PCDHGA1: variants seen among roughly 807,000 people sequenced by gnomAD.
The protein encoded by PCDHGA1 is protocadherin gamma-A1.
In PCDHGA1, 32 loss-of-function variants were observed where a neutral mutation model predicts 58.0. That is an observed-to-expected ratio of 0.55 (90% CI 0.42 to 0.74). The LOEUF is 0.74. PCDHGA1 is among the 30% of genes least tolerant of loss of function. The pLI is 0.00. For synonymous variants in PCDHGA1, 498 were observed against 501.1 expected (o/e 0.99, Z 0.08); for missense variants, 1,205 against 1,182.3 (o/e 1.02, Z -0.28).
intron 1 of PCDHGA1, chr5:141,352,163 C>G (rs1758931128): frequency 6.2e-7 from 1 of 1,613,248 alleles, no homozygotes; most frequent in Non-Finnish European, 8.5e-7. Context: ...GGACGCGGCC[C>G]GCCAGCGCCT....
At chr5:141,425,805 C>T (rs1419480761) in intron 1 of PCDHGA1, among the ~76,000 whole-genome samples, 1 of 152,158 alleles carries the variant, frequency 6.6e-6, no homozygotes, top group African/African-American at 2.4e-5. Context: ...TGCATTGCTT[C>T]TGCTTAGAAA....
Position 141,432,026 on chromosome 5 carries a change from A to G in PCDHGA1, c.2422-62781A>G, listed in dbSNP as rs1591124077. On this transcript the variant is annotated intron_variant, in intron 1 of 3. Coordinates refer to ENST00000517417, the MANE Select transcript of PCDHGA1 (RefSeq NM_018912.3). The surrounding 1 kb of genome is among the most constrained non-coding windows in gnomAD (Gnocchi z 6.0). ...GGTTCCTAGCTACAACATCACAGTG[A>G]CCGCCACTGACCGGGGAACCCCGCC... The G allele has an allele frequency of 1.9e-6, 3 of 1,614,152 alleles. 1 individual carries two copies. Among genetic ancestry groups the G allele is most frequent in the Middle Eastern group, 3.3e-4 (2 of 6,062 alleles).
intron 1 of PCDHGA1, chr5:141,390,367 T>C (rs2092130153): frequency 6.6e-7 from 1 of 1,518,766 alleles, no homozygotes; most frequent in African/African-American, 1.4e-5. Flanking sequence ...TGCAGGAAAA[T>C]ATATAATTTT....
In PCDHGA1 at chr5:141,461,830, C is replaced by CT. The variant is rs1030113508; in HGVS notation, c.2422-32967dup. On this transcript the variant is annotated intron_variant, in intron 1 of 3. Transcript: ENST00000517417. Reference sequence around the variant, plus strand: ...CACCACACCCAGCTAATTTTTTTTTCTTTTTTTTTTGAGACAGAGTTTTGC... The same window carrying CT: ...CACCACACCCAGCTAATTTTTTTTTCTTTTTTTTTTTGAGACAGAGTTTTGC... Among the ~76,000 whole-genome samples, 192 of 145,246 alleles carry CT rather than the reference C, an allele frequency of 1.3e-3. 1 individual carries two copies. In the Middle Eastern group the frequency reaches 0.022, roughly 16 times the overall value.
intron 1 of PCDHGA1, chr5:141,364,262 C>T (rs899975548): frequency 1.3e-6 from 2 of 1,504,074 alleles, no homozygotes; most frequent in African/African-American, 1.4e-5. Context: ...ATGTACCCAT[C>T]GGCTTTAGAT....
chr5:141,410,420 C>T (rs1426515605), intron 1 of PCDHGA1: 4 of 1,613,926 alleles, frequency 2.5e-6, no homozygotes, highest in Non-Finnish European at 3.4e-6. Flanking sequence ...ACCTGTAGTT[C>T]CCCCCAACTA....
rs367744321 is a variant in PCDHGA1, at chr5:141,489,394, C to G, written c.2422-5413C>G. The G allele has an allele frequency of 3.7e-6, 6 of 1,614,008 alleles. No individual in the cohort carries two copies. In the African/African-American group the frequency reaches 6.7e-5, roughly 18 times the overall value. On this transcript the variant is annotated intron_variant, in intron 1 of 3. Transcript: ENST00000517417. The surrounding 1 kb of genome is among the most constrained non-coding windows in gnomAD (Gnocchi z 4.5). ...GCTGGTGGGGAATGTTGCTCAGGATCTGGGCTTAAAGATGACAGATCTGTT... is the reference window on the plus strand; with the variant it reads ...GCTGGTGGGGAATGTTGCTCAGGATGTGGGCTTAAAGATGACAGATCTGTT...
At chr5:141,346,108 A>T in intron 1 of PCDHGA1, 1 of 1,613,642 alleles carries the variant, frequency 6.2e-7, no homozygotes, top group Non-Finnish European at 8.5e-7. Context: ...CTCACTCTGT[A>T]CCTGGTGGTG....
At chr5:141,391,498 G>A (rs974621252) in intron 1 of PCDHGA1, 1 of 151,980 alleles carries the variant, frequency 6.6e-6, no homozygotes, top group African/African-American at 2.4e-5. Flanking sequence ...TTTCAGTAGA[G>A]AAAATATTTT....
At chr5:141,341,098 C>A (rs1400825759) in intron 1 of PCDHGA1, 1 of 1,614,256 alleles carries the variant, frequency 6.2e-7, no homozygotes, top group East Asian at 2.2e-5. Flanking sequence ...CCTTCGTCAT[C>A]GTGTTGCTGG....
Position 141,420,299 on chromosome 5 carries a change from T to A in PCDHGA1, c.2422-74508T>A, listed in dbSNP as rs377297222. On this transcript the variant is annotated intron_variant, in intron 1 of 3. Coordinates refer to ENST00000517417, the MANE Select transcript of PCDHGA1 (RefSeq NM_018912.3). Reference sequence around the variant, plus strand: ...GGTAAGTATTTAAAAATGTATTTAATCCTTTTTATATTACAATATGCCAAT... The same window carrying A: ...GGTAAGTATTTAAAAATGTATTTAAACCTTTTTATATTACAATATGCCAAT... 6.8e-6 allele frequency: 10 copies of A among 1,465,980 alleles called. No homozygotes were observed. The African/African-American group carries it at 1.4e-4, about 21-fold the overall frequency. 90.8% of individuals were successfully genotyped at this position (1,465,980 alleles called of 1,614,324 possible). A position where few individuals can be genotyped will look rare whatever the true frequency, so the allele number is the denominator to read the frequency against.
At chr5:141,441,863 C>A in intron 1 of PCDHGA1, 2 of 342,418 alleles carry the variant, frequency 5.8e-6, no homozygotes, top group African/African-American at 2.2e-5. Flanking sequence ...CTGCACGCCG[C>A]GGAGCCTGGC....
intron 1 of PCDHGA1, chr5:141,422,726 T>C: frequency 5.6e-6 from 9 of 1,605,994 alleles, no homozygotes; most frequent in African/African-American, 4.0e-5. Flanking sequence ...GTCCAGGGGG[T>C]GCCTCTGTCC....
At chr5:141,384,392 G>A in intron 1 of PCDHGA1, 1 of 1,613,930 alleles carries the variant, frequency 6.2e-7, no homozygotes, top group Non-Finnish European at 8.5e-7. Context: ...ACCATCCAGG[G>A]GGCTCCAGTG....
chr5:141,481,730 G>A (rs778885944), intron 1 of PCDHGA1, among the ~76,000 whole-genome samples: 1 of 151,952 alleles, frequency 6.6e-6, no homozygotes, highest in African/African-American at 2.4e-5. Context: ...GAGGCGGGCG[G>A]ATCACGAGGT....
rs1289418155 is a variant in PCDHGA1, at chr5:141,331,498, G to A, written c.814G>A (p.Gly272Arg). The change falls in exon 1 of 4, where the codon GGA becomes AGA. Residue 272 changes from glycine (G) to arginine (R), a missense_variant. Transcript: ENST00000517417. ...LMVNATDPDE[G>R]ANGEVTYSFH... Reference sequence around the variant, plus strand: ...GGTAAATGCCACTGACCCTGATGAGGGAGCCAATGGGGAAGTAACGTACTC... The same window carrying A: ...GGTAAATGCCACTGACCCTGATGAGAGAGCCAATGGGGAAGTAACGTACTC... 1 of 1,614,152 alleles carries A rather than the reference G, an allele frequency of 6.2e-7. No homozygotes were observed. Among genetic ancestry groups the A allele is most frequent in the South Asian group, 1.1e-5 (1 of 91,078 alleles).
chr5:141,442,774 AT>A (rs2098342677), intron 1 of PCDHGA1, among the ~76,000 whole-genome samples: 1 of 152,188 alleles, frequency 6.6e-6, no homozygotes, highest in Non-Finnish European at 1.5e-5. Flanking sequence ...TATGTGTTTG[AT>A]TATATTTTAT....
intron 1 of PCDHGA1, chr5:141,388,588 C>T: frequency 6.2e-7 from 1 of 1,613,876 alleles, no homozygotes; most frequent in Non-Finnish European, 8.5e-7. Context: ...GTGACTGATG[C>T]CAATGATAAT....
intron 1 of PCDHGA1, chr5:141,352,196 G>A (rs1276459569): frequency 1.2e-6 from 2 of 1,613,818 alleles, no homozygotes; most frequent in East Asian, 2.2e-5. Context: ...GCGTGATGGA[G>A]GACAGCCGCC....
Sources: allele counts gnomAD v4.1 joint callset (sites outside exome capture counted in the v4.1 genomes callset), GRCh38; gene constraint gnomAD v4.1.1; non-coding constraint Gnocchi (gnomAD v3.1); transcripts MANE v1.5; gene names NCBI Gene and HGNC (gene_info 2026-07-23, HGNC 2026-07-21).